The following SIPA1L2 variants were observed in gnomAD, a reference collection of about 807,000 sequenced individuals.
SIPA1L2 encodes signal-induced proliferation-associated 1-like protein 2.
Under a neutral mutation model 163.9 loss-of-function variants are expected in SIPA1L2, and 56 were observed. The observed-to-expected ratio is 0.34, with a 90% CI of 0.28 to 0.43. The LOEUF is 0.43. Among genes scored for constraint, SIPA1L2 ranks in the 20% least tolerant of loss-of-function variants. The probability of loss-of-function intolerance (pLI) is 1.00; values close to 1 mark genes in which losing one functional copy is unlikely to be tolerated. For missense variants in SIPA1L2, 1,974 were observed against 2,193.5 expected (o/e 0.90, Z 2.00); for synonymous variants, 877 against 865.7 (o/e 1.01, Z -0.23).
intron 19 of SIPA1L2, among the ~76,000 whole-genome samples, chr1:232,407,008 A>G (rs1414458071): frequency 6.6e-6 from 1 of 152,256 alleles, no homozygotes; most frequent in East Asian, 1.9e-4. Flanking sequence ...TAGGAAAGGA[A>G]AAAAGGCTGC....
chr1:232,539,615 C>T (rs369718827), intron 2 of SIPA1L2, among the ~76,000 whole-genome samples: 5 of 152,138 alleles, frequency 3.3e-5, no homozygotes, highest in Admixed American at 6.5e-5. Flanking sequence ...GAGGATCTCA[C>T]GCAGGTTGTA....
intron 2 of SIPA1L2, among the ~76,000 whole-genome samples, chr1:232,530,103 G>A (rs1320041345): frequency 1.3e-5 from 2 of 151,890 alleles, no homozygotes; most frequent in East Asian, 3.9e-4. Flanking sequence ...TCTAGGGGCA[G>A]GAAGCCTCAC....
intron 5 of SIPA1L2, among the ~76,000 whole-genome samples, chr1:232,490,484 C>G (rs1462492871): frequency 6.6e-6 from 1 of 152,160 alleles, no homozygotes; most frequent in Non-Finnish European, 1.5e-5. Context: ...GCTTGCTGTT[C>G]ACACCCATCT....
intron 2 of SIPA1L2, among the ~76,000 whole-genome samples, chr1:232,541,668 C>T (rs1657687335): frequency 6.6e-6 from 1 of 152,076 alleles, no homozygotes; most frequent in South Asian, 2.1e-4. Flanking sequence ...TTTATCCGCT[C>T]ATTTGATGCT....
Position 232,623,447 on chromosome 1 carries a change from T to C in SIPA1L2, c.-319+6422A>G, listed in dbSNP as rs1662920661. Among the ~76,000 whole-genome samples the C allele has an allele frequency of 2.6e-5, 4 of 151,446 alleles. No individual in the cohort carries two copies. The South Asian group carries it at 8.3e-4, about 32-fold the overall frequency. Reference sequence around the variant, plus strand: ...GGTGAAACTCCGTCTCTACTAAAAATACAAAAAAAAATTAGCTAGGCATGG... The same window carrying C: ...GGTGAAACTCCGTCTCTACTAAAAACACAAAAAAAAATTAGCTAGGCATGG... On this transcript the variant is annotated intron_variant, in intron 1 of 22. Transcript: ENST00000674635.
chr1:232,540,349 C>T (rs1316089074), intron 2 of SIPA1L2, among the ~76,000 whole-genome samples: 3 of 152,110 alleles, frequency 2.0e-5, no homozygotes, highest in Non-Finnish European at 4.4e-5. Context: ...AAAGCACCAA[C>T]ACTGAAAGCA....
chr1:232,440,848 C>T (rs1547740), intron 14 of SIPA1L2, among the ~76,000 whole-genome samples: 7 of 152,128 alleles, frequency 4.6e-5, no homozygotes, highest in African/African-American at 7.2e-5. Context: ...ACCACGTGGG[C>T]GGTGCTCTAC....
chr1:232,477,147 CA>C (rs1411976156), intron 7 of SIPA1L2, among the ~76,000 whole-genome samples: 1 of 152,108 alleles, frequency 6.6e-6, no homozygotes, highest in Non-Finnish European at 1.5e-5. Flanking sequence ...CCTGTGATTG[CA>C]AAATATTAAA....
chr1:232,601,090 C>A (rs1037037217), intron 1 of SIPA1L2, among the ~76,000 whole-genome samples: 4 of 152,138 alleles, frequency 2.6e-5, no homozygotes, highest in African/African-American at 9.7e-5. Context: ...AGGGACCAGC[C>A]AGGGAGGATA....
In SIPA1L2 at chr1:232,574,570, C is replaced by T. The variant is rs547397056; in HGVS notation, c.-318-348G>A. 5.3e-5 allele frequency among the ~76,000 whole-genome samples: 8 copies of T among 152,186 alleles called. No individual in the cohort carries two copies. The East Asian group carries it at 1.5e-3, about 29-fold the overall frequency. ...GAAAAATAATTATTTTCATAAAATG[C>T]TATTTATAATAAAATATAAAGGGGT... On this transcript the variant is annotated intron_variant, in intron 1 of 22. Coordinates refer to ENST00000674635, the MANE Select transcript of SIPA1L2 (RefSeq NM_020808.5).
At chr1:232,564,973 G>A (rs528496276) in intron 2 of SIPA1L2, among the ~76,000 whole-genome samples, 3 of 152,048 alleles carry the variant, frequency 2.0e-5, no homozygotes, top group Admixed American at 6.5e-5. Context: ...CCTAGATGAC[G>A]GGTTGATAGG....
chr1:232,583,147 G>A (rs17191717), intron 1 of SIPA1L2, among the ~76,000 whole-genome samples: 1,890 of 152,258 alleles, frequency 0.012, 17 homozygotes, highest in Middle Eastern at 0.027. Context: ...AAGTCATGAT[G>A]CTGCTTGGTG....
chr1:232,598,241 A>T (rs1237212202), intron 1 of SIPA1L2, among the ~76,000 whole-genome samples: 1 of 151,576 alleles, frequency 6.6e-6, no homozygotes, highest in African/African-American at 2.4e-5. Flanking sequence ...GTCTGTTAAA[A>T]AAAAAAAAAA....
chr1:232,402,293 C>T, intron 22 of SIPA1L2, 99 bp downstream of exon 22: 1 of 1,004,500 alleles, frequency 1.0e-6, no homozygotes, highest in Non-Finnish European at 1.4e-6. Flanking sequence ...TTGTGTAAGG[C>T]AGTTTTCTTT....
At chr1:232,525,154 T>G (rs1558244426) in intron 2 of SIPA1L2, among the ~76,000 whole-genome samples, 1 of 144,006 alleles carries the variant, frequency 6.9e-6, no homozygotes, top group South Asian at 2.1e-4. Context: ...AATTTAACGT[T>G]TTTTTTTTAT....
rs1572967625 is a variant in SIPA1L2 at position 232,484,758 on chromosome 1, C to T, written c.1807-792G>A. On this transcript the variant is annotated intron_variant, in intron 5 of 22. Transcript: ENST00000674635. Reference sequence around the variant, plus strand: ...GGCATTTTCACACCTTTCTTATGTCCCCCAAAGAGGAACTGCTTCTAACTC... The same window carrying T: ...GGCATTTTCACACCTTTCTTATGTCTCCCAAAGAGGAACTGCTTCTAACTC... Among the ~76,000 whole-genome samples the T allele has an allele frequency of 2.6e-5, 4 of 152,126 alleles. No individual in the cohort carries two copies. The South Asian group carries it at 8.3e-4, about 32-fold the overall frequency.
At chr1:232,426,062 C>T (rs982391269) in intron 17 of SIPA1L2, among the ~76,000 whole-genome samples, 1 of 152,160 alleles carries the variant, frequency 6.6e-6, no homozygotes, top group African/African-American at 2.4e-5. Flanking sequence ...ACATGCACAG[C>T]TTTATTAACT....
intron 3 of SIPA1L2, among the ~76,000 whole-genome samples, chr1:232,501,600 G>C (rs529358791): frequency 1.3e-5 from 2 of 152,318 alleles, no homozygotes; most frequent in South Asian, 4.2e-4. Context: ...AAGTGCCTTA[G>C]TCCTGCCCTT....
At chr1:232,516,672 TAAG>T (rs1429991601) in intron 2 of SIPA1L2, among the ~76,000 whole-genome samples, 5 of 151,954 alleles carry the variant, frequency 3.3e-5, no homozygotes, top group Non-Finnish European at 5.9e-5. Context: ...ACTGCCACCA[TAAG>T]AAAAATATCT....
Sources: allele counts gnomAD v4.1 joint callset (sites outside exome capture counted in the v4.1 genomes callset), GRCh38; gene constraint gnomAD v4.1.1; transcripts MANE v1.5; gene names NCBI Gene and HGNC (gene_info 2026-07-23, HGNC 2026-07-21).